TMEM132D: variants seen among roughly 807,000 people sequenced by gnomAD.
The protein encoded by TMEM132D is mature OL transmembrane protein.
TMEM132D carries 21 observed loss-of-function variants against 62.3 expected under a neutral mutation model. That is an observed-to-expected ratio of 0.34 (90% CI 0.24 to 0.49). TMEM132D has a LOEUF of 0.49. Ranked by LOEUF, TMEM132D falls within the 20% of genes least tolerant of loss-of-function variation. The probability of loss-of-function intolerance (pLI) is 0.99; values close to 1 mark genes in which losing one functional copy is unlikely to be tolerated. For synonymous variants in TMEM132D, 621 were observed against 575.6 expected, an observed-to-expected ratio of 1.08 and a Z score of -1.13; for missense variants, 1,346 against 1,402.8, an observed-to-expected ratio of 0.96 and a Z score of 0.65.
chr12:129,105,819 G>T (rs1442287317), intron 5 of TMEM132D, among the ~76,000 whole-genome samples: 1 of 151,142 alleles, frequency 6.6e-6, no homozygotes, highest in South Asian at 2.1e-4. Flanking sequence ...ACTGTTGGTG[G>T]GACTGTAAAC....
At chr12:129,838,432 C>T (rs1465867932) in intron 1 of TMEM132D, among the ~76,000 whole-genome samples, 1 of 152,150 alleles carries the variant, frequency 6.6e-6, no homozygotes, top group East Asian at 1.9e-4. Flanking sequence ...GTCAGAGCGG[C>T]CAGTTCAGGC....
intron 1 of TMEM132D, among the ~76,000 whole-genome samples, chr12:129,750,755 T>C (rs1442962336): frequency 6.6e-6 from 1 of 152,128 alleles, no homozygotes; most frequent in Non-Finnish European, 1.5e-5. Context: ...AGGCATCAGT[T>C]CTGCTGTGCT....
At chr12:129,117,887 T>TA (rs1371646300) in intron 5 of TMEM132D, among the ~76,000 whole-genome samples, 1 of 152,230 alleles carries the variant, frequency 6.6e-6, no homozygotes, top group Non-Finnish European at 1.5e-5. Context: ...CTATTTGTCA[T>TA]AAAAATGGGG....
chr12:129,339,284 A>G (rs1593342971), intron 3 of TMEM132D, among the ~76,000 whole-genome samples: 1 of 144,994 alleles, frequency 6.9e-6, no homozygotes, highest in East Asian at 2.0e-4. Context: ...AAAAAGGGAA[A>G]AGAAAAAGAA....
intron 1 of TMEM132D, among the ~76,000 whole-genome samples, chr12:129,818,438 G>A (rs1456368398): frequency 1.3e-5 from 2 of 149,746 alleles, no homozygotes; most frequent in Non-Finnish European, 3.0e-5. Context: ...TGTGGTGGGG[G>A]GGTGTGTGTC....
intron 1 of TMEM132D, among the ~76,000 whole-genome samples, chr12:129,831,833 G>A (rs371320011): frequency 1.3e-5 from 2 of 150,816 alleles, no homozygotes; most frequent in African/African-American, 4.9e-5. Flanking sequence ...ATAAGCACAC[G>A]TTGAAGCATT....
At chr12:129,333,752 C>T (rs1869187861) in intron 4 of TMEM132D, among the ~76,000 whole-genome samples, 1 of 152,178 alleles carries the variant, frequency 6.6e-6, no homozygotes. Context: ...AGCTCCTAGA[C>T]TGATGGGGTG....
intron 1 of TMEM132D, among the ~76,000 whole-genome samples, chr12:129,721,018 C>T (rs1308547896): frequency 1.3e-5 from 2 of 152,178 alleles, no homozygotes; most frequent in South Asian, 2.1e-4. Flanking sequence ...GCCGCATCTG[C>T]GTGTGGAGGG....
chr12:129,113,782 G>A (rs1320190907), intron 5 of TMEM132D, among the ~76,000 whole-genome samples: 1 of 151,834 alleles, frequency 6.6e-6, no homozygotes, highest in South Asian at 2.1e-4. Flanking sequence ...GGGCTGGGTG[G>A]TCTCTGTAGA....
At chr12:129,523,054 G>T (rs557233977) in intron 3 of TMEM132D, among the ~76,000 whole-genome samples, 20 of 152,050 alleles carry the variant, frequency 1.3e-4, no homozygotes, top group Non-Finnish European at 2.6e-4. Flanking sequence ...TGCTACTGAC[G>T]GTTTCCATGC....
rs1874918738 is a variant in TMEM132D at position 129,495,332 on chromosome 12, G to A, written c.1115+35727C>T. ...CTTCCTCCTCACTCTGCACACACCTGGCCTAGGCTGACAATGGAGACCTCC... is the reference window on the plus strand; with the variant it reads ...CTTCCTCCTCACTCTGCACACACCTAGCCTAGGCTGACAATGGAGACCTCC... On this transcript the variant is annotated intron_variant, in intron 3 of 8. Coordinates refer to ENST00000422113, the MANE Select transcript of TMEM132D (RefSeq NM_133448.3). Among the ~76,000 whole-genome samples the A allele has an allele frequency of 2.6e-5, 4 of 152,252 alleles. No individual in the cohort carries two copies. In the South Asian group the frequency reaches 6.2e-4, roughly 24 times the overall value.
chr12:129,338,447 C>T (rs1869362306), intron 3 of TMEM132D, among the ~76,000 whole-genome samples: 1 of 152,164 alleles, frequency 6.6e-6, no homozygotes, highest in Admixed American at 6.5e-5. Context: ...TATAAGCATA[C>T]ATCTAGAAAC....
At chr12:129,803,622 T>C (rs1871872776) in intron 1 of TMEM132D, among the ~76,000 whole-genome samples, 1 of 148,768 alleles carries the variant, frequency 6.7e-6, no homozygotes, top group Non-Finnish European at 1.5e-5. Context: ...ACATCACAAT[T>C]AAAAGAACTA....
intron 2 of TMEM132D, among the ~76,000 whole-genome samples, chr12:129,596,250 C>T (rs182804045): frequency 5.3e-5 from 8 of 152,238 alleles, no homozygotes; most frequent in African/African-American, 1.9e-4. Flanking sequence ...ACAAGCTATT[C>T]TGTAGGGCAT....
In TMEM132D at chr12:129,353,284, A is replaced by C. The variant is rs113242464; in HGVS notation, c.1116-15467T>G. Among the ~76,000 whole-genome samples the C allele has an allele frequency of 2.0e-5, 3 of 152,160 alleles. No homozygotes were observed. In the South Asian group the frequency reaches 6.2e-4, roughly 32 times the overall value. On this transcript the variant is annotated intron_variant, in intron 3 of 8. Coordinates refer to ENST00000422113, the MANE Select transcript of TMEM132D (RefSeq NM_133448.3). ...ATTAGAGGTGGAATGCACTAAGTCT[A>C]CTTGGGGGAGATGATTGGTAAAATG...
chr12:129,808,921 G>A (rs1872079556), intron 1 of TMEM132D, among the ~76,000 whole-genome samples: 1 of 152,106 alleles, frequency 6.6e-6, no homozygotes, highest in Non-Finnish European at 1.5e-5. Context: ...AATCTCTGAA[G>A]TAAAACTAGG....
chr12:129,412,509 G>A (rs970440353), intron 3 of TMEM132D, among the ~76,000 whole-genome samples: 2 of 73,798 alleles, frequency 2.7e-5, no homozygotes, highest in African/African-American at 8.2e-5. Context: ...TGCTATAAGT[G>A]CCACCCCTCC....
intron 3 of TMEM132D, among the ~76,000 whole-genome samples, chr12:129,488,716 T>A (rs1057296241): frequency 6.6e-6 from 1 of 152,052 alleles, no homozygotes; most frequent in Non-Finnish European, 1.5e-5. Context: ...TGTTTGGTAT[T>A]CAGGAGTGTG....
rs551005416 is a variant in TMEM132D, at chr12:129,903,939, G to A, written c.-600C>T. On this transcript the variant is annotated 5_prime_UTR_variant, in exon 1 of 9. Coordinates refer to ENST00000422113, the MANE Select transcript of TMEM132D (RefSeq NM_133448.3). This position sits in a 1 kb window ranked among gnomAD's most constrained non-coding sequence, Gnocchi z 6.2. ...CGCTCCGGCACCCAAAGTTTGGCGG[G>A]TGCGGCTGCTCCCCGGCCGCCGCCT... Among the ~76,000 whole-genome samples the A allele has an allele frequency of 1.3e-3, 191 of 148,138 alleles. No individual in the cohort carries two copies. Among genetic ancestry groups the A allele is most frequent in the African/African-American group, 4.3e-3 (179 of 41,166 alleles).
Sources: allele counts gnomAD v4.1 joint callset (sites outside exome capture counted in the v4.1 genomes callset), GRCh38; gene constraint gnomAD v4.1.1; non-coding constraint Gnocchi (gnomAD v3.1); transcripts MANE v1.5; gene names NCBI Gene and HGNC (gene_info 2026-07-23, HGNC 2026-07-21).